PTPRG: variants seen among roughly 807,000 people sequenced by gnomAD.
PTPRG encodes the protein receptor-type tyrosine-protein phosphatase gamma.
A neutral mutation model predicts 165.3 loss-of-function variants in PTPRG; 102 were observed. The observed-to-expected ratio is 0.62, with a 90% CI of 0.53 to 0.73. PTPRG has a LOEUF of 0.73. PTPRG is among the 30% of genes least tolerant of loss of function. PTPRG has a pLI of 0.00. For synonymous variants in PTPRG, 675 were observed against 669.5 expected (o/e 1.01, Z -0.13); for missense variants, 1,866 against 1,861.4 (o/e 1.00, Z -0.05).
intron 2 of PTPRG, among the ~76,000 whole-genome samples, chr3:61,825,503 T>C (rs2036080164): frequency 6.6e-6 from 1 of 152,212 alleles, no homozygotes; most frequent in African/African-American, 2.4e-5. Context: ...GTATCATAGA[T>C]TTTAAAAGCT....
At chr3:61,809,722 A>G (rs1009314873) in intron 2 of PTPRG, among the ~76,000 whole-genome samples, 1 of 152,238 alleles carries the variant, frequency 6.6e-6, no homozygotes, top group Non-Finnish European at 1.5e-5. Context: ...GGGAATAGAA[A>G]GACATAAACT....
rs561139024 is a variant in PTPRG at position 62,252,253 on chromosome 3, G to A, written c.2468-2871G>A. ...TCTCTTCACCAACACAAATGTCCTT[G>A]AGCAGAGACCATCTCCCTAATATCT... is the stretch of plus-strand genomic sequence containing the variant. On this transcript the variant is annotated intron_variant, in intron 15 of 29. Coordinates refer to ENST00000474889, the MANE Select transcript of PTPRG (RefSeq NM_002841.4). The surrounding 1 kb of genome is among the most constrained non-coding windows in gnomAD (Gnocchi z 4.6). Among the ~76,000 whole-genome samples, 58 of 152,192 alleles carry A rather than the reference G, an allele frequency of 3.8e-4. No individual in the cohort carries two copies. Among genetic ancestry groups the A allele is most frequent in the Non-Finnish European group, 6.0e-4 (41 of 68,004 alleles).
intron 2 of PTPRG, among the ~76,000 whole-genome samples, chr3:61,849,726 T>C (rs116187559): frequency 6.8e-4 from 104 of 151,978 alleles, no homozygotes; most frequent in African/African-American, 2.5e-3. Flanking sequence ...TCCAGAGGAG[T>C]AGCTACAGCT....
At chr3:61,952,678 G>C (rs1283378149) in intron 2 of PTPRG, among the ~76,000 whole-genome samples, 1 of 152,060 alleles carries the variant, frequency 6.6e-6, no homozygotes, top group African/African-American at 2.4e-5. Context: ...CTTTAAACCT[G>C]TTCCTCATTC....
At chr3:61,871,365 C>T (rs1559660390) in intron 2 of PTPRG, among the ~76,000 whole-genome samples, 1 of 151,994 alleles carries the variant, frequency 6.6e-6, no homozygotes, top group Non-Finnish European at 1.5e-5. Context: ...GTAGATGGGA[C>T]CAAGGCACAT....
Position 62,224,537 on chromosome 3 carries a change from G to A in PTPRG, c.2288+5554G>A, listed in dbSNP as rs375749382. On this transcript the variant is annotated intron_variant, in intron 13 of 29. Transcript: ENST00000474889. The surrounding 1 kb of genome is among the most constrained non-coding windows in gnomAD (Gnocchi z 4.9). ...GACACAGATGAGGTAGGGGGAACAC[G>A]TGGGTATTTGTTAAGCACTGCCACA... Among the ~76,000 whole-genome samples, 5 of 152,198 alleles carry A rather than the reference G, an allele frequency of 3.3e-5. No homozygotes were observed. The highest frequency in any genetic ancestry group is 9.7e-5 in the African/African-American group (4 of 41,448).
chr3:61,675,104 T>TA (rs1296124987), intron 1 of PTPRG, among the ~76,000 whole-genome samples: 3 of 152,226 alleles, frequency 2.0e-5, no homozygotes, highest in Admixed American at 2.0e-4. Flanking sequence ...CATCAACTCT[T>TA]ACCATTTTTT....
At chr3:61,899,961 C>T (rs148034280) in intron 2 of PTPRG, among the ~76,000 whole-genome samples, 1 of 152,156 alleles carries the variant, frequency 6.6e-6, no homozygotes, top group African/African-American at 2.4e-5. Flanking sequence ...TACTTTACAT[C>T]GTTGTGAAGA....
At chr3:61,995,071 CT>C (rs2040989046) in intron 3 of PTPRG, among the ~76,000 whole-genome samples, 20 of 109,024 alleles carry the variant, frequency 1.8e-4, no homozygotes, top group African/African-American at 5.6e-4. Flanking sequence ...TTTCTTTTTT[CT>C]TTTCTTTCTT....
intron 2 of PTPRG, among the ~76,000 whole-genome samples, chr3:61,922,440 G>C (rs2039100979): frequency 6.6e-6 from 1 of 152,220 alleles, no homozygotes; most frequent in East Asian, 1.9e-4. Flanking sequence ...AGTGACAGGA[G>C]CATGTAGGTG....
intron 2 of PTPRG, among the ~76,000 whole-genome samples, chr3:61,928,107 A>T (rs916132993): frequency 6.6e-6 from 1 of 152,174 alleles, no homozygotes; most frequent in African/African-American, 2.4e-5. Flanking sequence ...TATAAGGGGT[A>T]TGAGGCCGGA....
At chr3:61,938,099 G>C (rs532684214) in intron 2 of PTPRG, among the ~76,000 whole-genome samples, 3 of 151,760 alleles carry the variant, frequency 2.0e-5, no homozygotes, top group Non-Finnish European at 2.9e-5. Flanking sequence ...TTATCTTAGT[G>C]AAAGTTTAAA....
chr3:62,079,212 CAT>C (rs1356952935), intron 5 of PTPRG, among the ~76,000 whole-genome samples: 7 of 152,322 alleles, frequency 4.6e-5, no homozygotes, highest in African/African-American at 1.4e-4. Context: ...ATGGGTGACA[CAT>C]GAGTGACAGT....
intron 4 of PTPRG, among the ~76,000 whole-genome samples, chr3:62,031,688 C>T: frequency 6.6e-6 from 1 of 152,126 alleles, no homozygotes; most frequent in Admixed American, 6.6e-5. Flanking sequence ...ATGGTGGTTA[C>T]TAATCTAGAT....
intron 5 of PTPRG, among the ~76,000 whole-genome samples, chr3:62,122,968 G>A (rs1359764736): frequency 6.6e-6 from 1 of 152,172 alleles, no homozygotes; most frequent in Non-Finnish European, 1.5e-5. Flanking sequence ...TGAGGGCAGA[G>A]CACTGTGATT....
At chr3:61,937,508 G>A (rs1472214337) in intron 2 of PTPRG, among the ~76,000 whole-genome samples, 1 of 152,132 alleles carries the variant, frequency 6.6e-6, no homozygotes, top group Non-Finnish European at 1.5e-5. Flanking sequence ...CCTTCATTGA[G>A]GATTTAAGGC....
intron 1 of PTPRG, among the ~76,000 whole-genome samples, chr3:61,615,002 T>C (rs867869439): frequency 2.6e-5 from 4 of 152,316 alleles, no homozygotes; most frequent in Middle Eastern, 3.4e-3. Context: ...CCACCCGTTA[T>C]AGTTTTAAAA....
intron 5 of PTPRG, among the ~76,000 whole-genome samples, chr3:62,086,756 A>G (rs1366375796): frequency 6.6e-6 from 1 of 152,212 alleles, no homozygotes; most frequent in Non-Finnish European, 1.5e-5. Flanking sequence ...AATTGATTTC[A>G]TAGGACTTAC....
chr3:62,275,932 C>G lies in PTPRG; in HGVS notation c.3525C>G (p.Asn1175Lys). 6.2e-7 allele frequency: 1 copy of G among 1,611,560 alleles called. No homozygotes were observed. Among genetic ancestry groups the G allele is most frequent in the Non-Finnish European group, 8.5e-7 (1 of 1,178,356 alleles). ...VECFSAQKEC[N>K]KEKNRNSSVV... ...GTTTCAGTGCTCAGAAAGAGTGTAACAAAGAAAAGAACAGAAACTCTTCAG... is the reference window on the plus strand; with the variant it reads ...GTTTCAGTGCTCAGAAAGAGTGTAAGAAAGAAAAGAACAGAAACTCTTCAG... The change falls in exon 24 of 30, where the codon AAC (asparagine) becomes AAG (lysine). Residue 1175 changes from asparagine to lysine, a missense_variant. Asn to Lys is a moderately conservative substitution (Grantham distance 94). Around this residue, in one of 3 missense-constraint regions of PTPRG, gnomAD observed 1,452 missense variants for 1,463.0 expected, o/e 0.99. Transcript: ENST00000474889.
Sources: allele counts gnomAD v4.1 joint callset (sites outside exome capture counted in the v4.1 genomes callset), GRCh38; gene constraint gnomAD v4.1.1; regional missense constraint gnomAD v4.1.1; non-coding constraint Gnocchi (gnomAD v3.1); transcripts MANE v1.5; gene names NCBI Gene and HGNC (gene_info 2026-07-23, HGNC 2026-07-21).